Variants in CLCN5 observed in about 807,000 individuals in gnomAD.
The protein encoded by CLCN5 is Cl-/H+ antiporter 5.
In CLCN5, 17 loss-of-function variants were observed where a neutral mutation model predicts 54.0. The ratio of observed to expected loss-of-function variants is 0.31; its 90% CI spans 0.22 to 0.47. CLCN5 has a LOEUF of 0.47. Ranked by LOEUF, CLCN5 falls within the 20% of genes least tolerant of loss-of-function variation. CLCN5 has a pLI of 1.00. For missense variants in CLCN5, 448 were observed against 646.7 expected, an observed-to-expected ratio of 0.69 and a Z score of 3.33; for synonymous variants, 222 against 233.0, an observed-to-expected ratio of 0.95 and a Z score of 0.43.
At chrX:50,044,278 G>T (rs1557187553) in intron 4 of CLCN5, among the ~76,000 whole-genome samples, 3 of 111,834 alleles carry the variant, frequency 2.7e-5, no homozygotes, top group East Asian at 5.6e-4. Context: ...AGCATTTCAT[G>T]TGTGGGTGTG....
intron 3 of CLCN5, among the ~76,000 whole-genome samples, chrX:49,944,764 G>T (rs372979338): frequency 9.0e-6 from 1 of 111,647 alleles, no homozygotes; most frequent in Non-Finnish European, 1.9e-5. Context: ...CAACTTGATC[G>T]TGGTGGATAA....
At chrX:50,059,533 A>G (rs1204652749) in intron 4 of CLCN5, among the ~76,000 whole-genome samples, 2 of 111,666 alleles carry the variant, frequency 1.8e-5, no homozygotes, top group African/African-American at 3.3e-5. Flanking sequence ...TATTTTCACA[A>G]TAATATCAAT....
intron 12 of CLCN5, among the ~76,000 whole-genome samples, chrX:50,089,158 A>G (rs1386025302): frequency 8.9e-6 from 1 of 112,612 alleles, no homozygotes; most frequent in Non-Finnish European, 1.9e-5. Context: ...AAGAATATGT[A>G]TCATAGTATA....
intron 3 of CLCN5, among the ~76,000 whole-genome samples, chrX:49,996,924 T>C (rs1177030777): frequency 8.9e-6 from 1 of 111,836 alleles, no homozygotes; most frequent in Non-Finnish European, 1.9e-5. Flanking sequence ...ATATTCTCCT[T>C]AGCTTCTGAA....
chrX:49,988,079 TTTC>T (rs1474231118), intron 3 of CLCN5, among the ~76,000 whole-genome samples: 1 of 111,646 alleles, frequency 9.0e-6, no homozygotes, highest in African/African-American at 3.3e-5. Context: ...TAGTCTGTCT[TTTC>T]TTGTCATTCT....
At chrX:50,031,580 G>A (rs1931701206) in intron 3 of CLCN5, among the ~76,000 whole-genome samples, 1 of 111,371 alleles carries the variant, frequency 9.0e-6, no homozygotes, top group African/African-American at 3.3e-5. Context: ...TGTAGTATGG[G>A]TGAAGATGTC....
At chrX:49,974,772 A>G (rs1318298640) in intron 3 of CLCN5, among the ~76,000 whole-genome samples, 1 of 111,860 alleles carries the variant, frequency 8.9e-6, no homozygotes. Context: ...ACGAAGTGAA[A>G]GATGATGCCA....
At chrX:50,029,948 C>T (rs1441129887) in intron 3 of CLCN5, among the ~76,000 whole-genome samples, 9 of 112,035 alleles carry the variant, frequency 8.0e-5, no homozygotes, top group East Asian at 5.6e-4. Flanking sequence ...ATGTTTATTG[C>T]GGCACTATTC....
chrX:50,060,144 G>C (rs896049717), intron 4 of CLCN5, among the ~76,000 whole-genome samples: 1 of 109,654 alleles, frequency 9.1e-6, no homozygotes, highest in Non-Finnish European at 1.9e-5. Context: ...GACAGTCACG[G>C]GGGGAGGAGC....
At position 49,930,723 on chromosome X, in the gene CLCN5, C is replaced by T. The variant is rs782524547; in HGVS notation, c.16+5409C>T. Among the ~76,000 whole-genome samples, 11 of 111,431 alleles carry T rather than the reference C, an allele frequency of 9.9e-5. No homozygotes were observed. In the Admixed American group the frequency reaches 1.0e-3, roughly 11 times the overall value. On this transcript the variant is annotated intron_variant, in intron 3 of 14. Transcript: ENST00000376091. Reference sequence around the variant, plus strand: ...CTGCATATAGGAAAATTTGGCCTTCCATATTCATGGGTGTCATATTCTGAG... The same window carrying T: ...CTGCATATAGGAAAATTTGGCCTTCTATATTCATGGGTGTCATATTCTGAG...
At chrX:50,035,380 C>T (rs1297345879) in intron 3 of CLCN5, among the ~76,000 whole-genome samples, 1 of 111,401 alleles carries the variant, frequency 9.0e-6, no homozygotes, top group Non-Finnish European at 1.9e-5. Flanking sequence ...ACCCTTCCTC[C>T]CCAACTGGAA....
chrX:49,999,070 C>G (rs1469571284), intron 3 of CLCN5, among the ~76,000 whole-genome samples: 1 of 108,928 alleles, frequency 9.2e-6, no homozygotes, highest in Non-Finnish European at 1.9e-5. Flanking sequence ...GCCCTTCTTA[C>G]AGGCCTTGTT....
At chrX:49,942,406 T>A (rs1156297912) in intron 3 of CLCN5, among the ~76,000 whole-genome samples, 2 of 107,631 alleles carry the variant, frequency 1.9e-5, no homozygotes, top group African/African-American at 6.8e-5. Context: ...GGCAAATTTT[T>A]AAAAATTATT....
At chrX:50,077,090 C>G (rs2147561980) in intron 7 of CLCN5, among the ~76,000 whole-genome samples, 1 of 111,974 alleles carries the variant, frequency 8.9e-6, no homozygotes, top group East Asian at 2.8e-4. Context: ...ATATTACCCT[C>G]CTTGGTCTAC....
At chrX:50,030,564 G>A (rs139199257) in intron 3 of CLCN5, among the ~76,000 whole-genome samples, 1,384 of 111,483 alleles carry the variant, frequency 0.012, 16 homozygotes, top group African/African-American at 0.042. Context: ...TTCTTGTACC[G>A]TGTTAAATAT....
At chrX:50,029,807 C>T (rs1401225817) in intron 3 of CLCN5, among the ~76,000 whole-genome samples, 2 of 111,779 alleles carry the variant, frequency 1.8e-5, no homozygotes, top group African/African-American at 3.3e-5. Flanking sequence ...GTAGTTCAAC[C>T]GTTGTGGAAG....
chrX:50,047,524 AT>A (rs1932434294), intron 4 of CLCN5, among the ~76,000 whole-genome samples: 1 of 111,387 alleles, frequency 9.0e-6, no homozygotes, highest in Non-Finnish European at 1.9e-5. Context: ...AAACGGCCAA[AT>A]TTTAGAATTG....
chrX:49,935,834 A>G (rs1557169572), intron 3 of CLCN5, among the ~76,000 whole-genome samples: 1 of 110,902 alleles, frequency 9.0e-6, no homozygotes, highest in East Asian at 2.9e-4. Context: ...AAAGGTGGGC[A>G]GGGGACAGGC....
intron 3 of CLCN5, among the ~76,000 whole-genome samples, chrX:50,027,548 A>G (rs1931471237): frequency 8.9e-6 from 1 of 111,984 alleles, no homozygotes. Flanking sequence ...TTTGATTTCT[A>G]GCATTTCCTT....
Sources: gnomAD v4.1 joint callset for allele counts (sites outside exome capture counted in the v4.1 genomes callset) on GRCh38, gnomAD v4.1.1 for gene constraint, MANE v1.5 for transcripts, NCBI Gene and HGNC (gene_info 2026-07-23, HGNC 2026-07-21) for gene names.